MTCL2: variants seen among roughly 807,000 people sequenced by gnomAD.
The protein encoded by MTCL2 is microtubule cross-linking factor 2.
chr20:36,862,535 G>A, the MTCL2 span: 22 of 951,800 alleles, frequency 2.3e-5, no homozygotes, highest in East Asian at 9.8e-5. Context: ...GTGGTCCCCA[G>A]AGGGCTTGGG....
the MTCL2 span, chr20:36,786,764 C>T: frequency 3.3e-6 from 3 of 911,712 alleles, no homozygotes; most frequent in Non-Finnish European, 4.8e-6. Context: ...GGGGCTGAAG[C>T]TCCTCACTGG....
chr20:36,843,566 G>A, the MTCL2 span, among the ~76,000 whole-genome samples: 12 of 152,254 alleles, frequency 7.9e-5, no homozygotes, highest in African/African-American at 2.2e-4. Context: ...GGATCCACGC[G>A]CTGTTTCAGG....
chr20:36,805,114 C>A, the MTCL2 span, among the ~76,000 whole-genome samples: 1 of 152,080 alleles, frequency 6.6e-6, no homozygotes, highest in Admixed American at 6.6e-5. Context: ...AATCTGACAC[C>A]AAGAAAAAAC....
chr20:36,791,838 A>C, the MTCL2 span, among the ~76,000 whole-genome samples: 2 of 152,238 alleles, frequency 1.3e-5, 1 homozygote, highest in South Asian at 4.1e-4. Context: ...GACAGGGAGA[A>C]GCTGCTGAGG....
chr20:36,841,874 G>GGGGGGTGTGT, the MTCL2 span, among the ~76,000 whole-genome samples: 19 of 110,866 alleles, frequency 1.7e-4, no homozygotes, highest in African/African-American at 5.5e-4. Context: ...TGGGGGGTGG[G>GGGGGGTGTGT]GTGTGTGTGT....
At chr20:36,808,796 C>A in the MTCL2 span, 2 of 1,486,984 alleles carry the variant, frequency 1.3e-6, no homozygotes, top group East Asian at 2.5e-5. Flanking sequence ...TCTCCCCCAC[C>A]CCTTTCTGGG....
At chr20:36,840,901 G>A in the MTCL2 span, among the ~76,000 whole-genome samples, 6 of 152,024 alleles carry the variant, frequency 3.9e-5, no homozygotes, top group African/African-American at 1.4e-4. Context: ...TAGGCCCTGT[G>A]CTAAGCGCAG....
the MTCL2 span, among the ~76,000 whole-genome samples, chr20:36,857,956 C>T: frequency 6.6e-6 from 1 of 152,134 alleles, no homozygotes; most frequent in East Asian, 1.9e-4. Context: ...GGAACAATCT[C>T]ACACACATGC....
the MTCL2 span, chr20:36,796,907 C>T: frequency 8.7e-6 from 14 of 1,613,954 alleles, no homozygotes; most frequent in Non-Finnish European, 1.2e-5. Context: ...CCTCCAAGCT[C>T]AACTTCGGAA....
At chr20:36,790,930 G>T in the MTCL2 span, among the ~76,000 whole-genome samples, 1 of 152,086 alleles carries the variant, frequency 6.6e-6, no homozygotes, top group African/African-American at 2.4e-5. Flanking sequence ...CTGAGTGAGA[G>T]TATAGAAAAG....
the MTCL2 span, among the ~76,000 whole-genome samples, chr20:36,833,010 C>T: frequency 1.3e-5 from 2 of 152,180 alleles, no homozygotes; most frequent in Admixed American, 6.5e-5. Context: ...GTGCTCACCA[C>T]GTGCTTTTCA....
the MTCL2 span, among the ~76,000 whole-genome samples, chr20:36,843,966 G>A: frequency 2.0e-5 from 3 of 152,192 alleles, no homozygotes; most frequent in Non-Finnish European, 4.4e-5. Flanking sequence ...GGTCGGGCAC[G>A]ATGGCTCACG....
At chr20:36,813,788 A>T in the MTCL2 span, among the ~76,000 whole-genome samples, 1 of 151,780 alleles carries the variant, frequency 6.6e-6, no homozygotes, top group Non-Finnish European at 1.5e-5. Context: ...ATAAAAGAAA[A>T]AAAGAAAGTG....
chr20:36,780,192 G>A, the MTCL2 span: 1 of 152,092 alleles, frequency 6.6e-6, no homozygotes, highest in East Asian at 1.9e-4. Context: ...AAAATGAGGG[G>A]GCTGGACACA....
the MTCL2 span, among the ~76,000 whole-genome samples, chr20:36,836,157 A>G: frequency 6.8e-6 from 1 of 147,362 alleles, no homozygotes; most frequent in African/African-American, 2.5e-5. Flanking sequence ...TACGCTTTGA[A>G]CTTGGAAACT....
At chr20:36,857,795 T>TTGAA in the MTCL2 span, among the ~76,000 whole-genome samples, 2 of 152,098 alleles carry the variant, frequency 1.3e-5, no homozygotes, top group Non-Finnish European at 2.9e-5. Flanking sequence ...GAAATATGTG[T>TTGAA]TGAATGAATG....
the MTCL2 span, among the ~76,000 whole-genome samples, chr20:36,850,083 G>A: frequency 6.6e-6 from 1 of 152,088 alleles, no homozygotes; most frequent in Non-Finnish European, 1.5e-5. Flanking sequence ...GTGTCCCTGG[G>A]GAACTCTGAT....
chr20:36,812,559 T>C, the MTCL2 span: 89 of 1,052,830 alleles, frequency 8.5e-5, no homozygotes, highest in Admixed American at 6.1e-4. Flanking sequence ...CCTTCTGGCC[T>C]TGGCTGCCAA....
chr20:36,792,835 TATAGATAG>T, the MTCL2 span, among the ~76,000 whole-genome samples: 1,312 of 149,066 alleles, frequency 8.8e-3, 12 homozygotes, highest in Admixed American at 0.014. Context: ...TATATAGATA[TATAGATAG>T]ATAGATAGAT....
Sources: allele counts gnomAD v4.1 joint callset (sites outside exome capture counted in the v4.1 genomes callset), GRCh38; gene constraint gnomAD v4.1.1; transcripts MANE v1.5; gene names NCBI Gene and HGNC (gene_info 2026-07-23, HGNC 2026-07-21).